STAC: variants seen among roughly 807,000 people sequenced by gnomAD.
STAC encodes SH3 and cysteine rich domain.
In STAC, 43 loss-of-function variants were observed where a neutral mutation model predicts 48.8. The ratio of observed to expected loss-of-function variants is 0.88; its 90% confidence interval spans 0.69 to 1.14. The LOEUF (loss-of-function observed/expected upper bound fraction) is 1.14, where lower values mean the gene tolerates loss of function less well. Among genes scored for constraint, STAC ranks in the 50% most tolerant of loss-of-function variants. The probability of loss-of-function intolerance (pLI) is 0.00; values close to 1 mark genes in which losing one functional copy is unlikely to be tolerated. For synonymous variants in STAC, 193 were observed against 179.5 expected (o/e 1.07, Z -0.60); for missense variants, 497 against 504.0 (o/e 0.99, Z 0.13).
chr3:36,476,525 T>A (rs1470813617), intron 2 of STAC, among the ~76,000 whole-genome samples: 1 of 152,136 alleles, frequency 6.6e-6, no homozygotes, highest in African/African-American at 2.4e-5. Flanking sequence ...CAAGGTTTCA[T>A]GTTGAAAATG....
rs143848400 is a variant in STAC at position 36,419,404 on chromosome 3, G to T, written c.112-23960G>T. ...AAAAACCTCTCCTTCACCCCCTAAA[G>T]GTTCACTGAAAAATCAACACACAAA... On this transcript the variant is annotated intron_variant, in intron 1 of 10. Transcript: ENST00000273183. Among the ~76,000 whole-genome samples the T allele has an allele frequency of 1.4e-4, 21 of 152,264 alleles. No individual in the cohort carries two copies. In the East Asian group the frequency reaches 4.1e-3, roughly 29 times the overall value.
At chr3:36,403,570 G>A (rs1296059112) in intron 1 of STAC, among the ~76,000 whole-genome samples, 1 of 151,830 alleles carries the variant, frequency 6.6e-6, no homozygotes, top group African/African-American at 2.4e-5. Context: ...AAGTAAAATA[G>A]AAGTGCCACA....
chr3:36,388,162 T>G (rs981228146), intron 1 of STAC, among the ~76,000 whole-genome samples: 2 of 152,142 alleles, frequency 1.3e-5, no homozygotes, highest in Non-Finnish European at 2.9e-5. Flanking sequence ...TGGTTTTTGT[T>G]GTTGGATTGT....
intron 10 of STAC, 25 bp from the exon 11 acceptor site, chr3:36,546,166 G>T: frequency 6.3e-7 from 1 of 1,595,310 alleles, no homozygotes; most frequent in Non-Finnish European, 8.6e-7. Context: ...AAAGTATTTT[G>T]TTTTTTTTCT....
intron 1 of STAC, among the ~76,000 whole-genome samples, chr3:36,409,159 C>T (rs1182684828): frequency 3.3e-5 from 5 of 152,112 alleles, no homozygotes; most frequent in Non-Finnish European, 5.9e-5. Context: ...AGTATATAAA[C>T]GTGGGTTTGA....
intron 2 of STAC, among the ~76,000 whole-genome samples, chr3:36,482,012 A>G (rs796436081): frequency 2.0e-5 from 3 of 152,080 alleles, no homozygotes; most frequent in African/African-American, 7.2e-5. Context: ...CCACTACCTC[A>G]CCTTTCTTCC....
chr3:36,477,027 C>T (rs1398437535), intron 2 of STAC, among the ~76,000 whole-genome samples: 1 of 152,160 alleles, frequency 6.6e-6, no homozygotes, highest in African/African-American at 2.4e-5. Flanking sequence ...CTTAGAATCA[C>T]TTATAGATAC....
chr3:36,532,678 C>G (rs1445199426), intron 10 of STAC, among the ~76,000 whole-genome samples: 14 of 152,186 alleles, frequency 9.2e-5, no homozygotes, highest in Non-Finnish European at 1.5e-4. Context: ...CTGCACTGAC[C>G]ACTCTGTCTC....
chr3:36,398,356 AAAGAAAGAAAGAAAAG>A (rs974102140), intron 1 of STAC, among the ~76,000 whole-genome samples: 1 of 139,324 alleles, frequency 7.2e-6, no homozygotes, highest in African/African-American at 2.7e-5. Flanking sequence ...AGAAAGAAAG[AAAGAAAGAAAGAAAAG>A]AAAGAGAGAA....
chr3:36,475,147 G>C (rs1697458611), intron 2 of STAC, among the ~76,000 whole-genome samples: 1 of 152,056 alleles, frequency 6.6e-6, no homozygotes, highest in Admixed American at 6.6e-5. Context: ...ATGCTCAGTG[G>C]CTTCATTTGG....
At chr3:36,409,355 C>G (rs1408255889) in intron 1 of STAC, 1 of 152,108 alleles carries the variant, frequency 6.6e-6, no homozygotes, top group African/African-American at 2.4e-5. Flanking sequence ...TTATGCTTAA[C>G]AAGGTTGTAA....
chr3:36,419,975 C>A (rs566004592), intron 1 of STAC, among the ~76,000 whole-genome samples: 48 of 152,288 alleles, frequency 3.2e-4, no homozygotes, highest in African/African-American at 1.1e-3. Context: ...ATACTCCTTG[C>A]TATTTTTTTG....
chr3:36,532,751 G>T (rs1400632908), intron 10 of STAC, among the ~76,000 whole-genome samples: 1 of 152,082 alleles, frequency 6.6e-6, no homozygotes, highest in Non-Finnish European at 1.5e-5. Flanking sequence ...CCTGTTTTGG[G>T]GTCTGCTTTT....
At chr3:36,489,727 AC>A (rs1323149033) in intron 5 of STAC, among the ~76,000 whole-genome samples, 2 of 152,186 alleles carry the variant, frequency 1.3e-5, no homozygotes, top group African/African-American at 4.8e-5. Flanking sequence ...GAATTCTGTA[AC>A]ACTATAAAGG....
At chr3:36,398,637 A>C (rs905371340) in intron 1 of STAC, among the ~76,000 whole-genome samples, 1 of 115,668 alleles carries the variant, frequency 8.6e-6, no homozygotes, top group South Asian at 2.9e-4. Context: ...AGAGAGAGAA[A>C]GAAAGAAAGA....
intron 1 of STAC, among the ~76,000 whole-genome samples, chr3:36,397,940 G>C (rs1699886976): frequency 1.3e-5 from 2 of 151,646 alleles, no homozygotes; most frequent in African/African-American, 4.8e-5. Context: ...AGCTCAATTT[G>C]TAATACATTA....
At chr3:36,464,816 G>T (rs1036845879) in intron 2 of STAC, among the ~76,000 whole-genome samples, 1 of 151,636 alleles carries the variant, frequency 6.6e-6, no homozygotes, top group African/African-American at 2.4e-5. Context: ...TCCATGGTGT[G>T]TGTGTGTGTG....
chr3:36,432,976 T>C (rs1418922237), intron 1 of STAC, among the ~76,000 whole-genome samples: 1 of 152,180 alleles, frequency 6.6e-6, no homozygotes, highest in Non-Finnish European at 1.5e-5. Context: ...AGTAAATTAA[T>C]ATAATTACTA....
chr3:36,539,725 C>A (rs569412364), intron 10 of STAC, among the ~76,000 whole-genome samples: 2 of 152,220 alleles, frequency 1.3e-5, no homozygotes, highest in South Asian at 2.1e-4. Context: ...CTCCTTATAA[C>A]ACTGAGGCCA....
Sources: allele counts gnomAD v4.1 joint callset (sites outside exome capture counted in the v4.1 genomes callset), GRCh38; gene constraint gnomAD v4.1.1; transcripts MANE v1.5; gene names NCBI Gene and HGNC (gene_info 2026-07-23, HGNC 2026-07-21).